CNTNAP5: variants seen among roughly 807,000 people sequenced by gnomAD.
CNTNAP5 encodes the protein contactin-associated protein-like 5.
Under a neutral mutation model 150.2 loss-of-function variants are expected in CNTNAP5, and 72 were observed. The ratio of observed to expected loss-of-function variants is 0.48; its 90% CI spans 0.40 to 0.58. CNTNAP5 has a LOEUF of 0.58. CNTNAP5 is among the 20% of genes least tolerant of loss of function. The pLI is 0.00. For missense variants in CNTNAP5, 1,636 were observed against 1,626.2 expected (o/e 1.01, Z -0.10); for synonymous variants, 672 against 619.8 (o/e 1.08, Z -1.25).
At position 124,177,166 on chromosome 2, in the gene CNTNAP5, C is replaced by T. The variant is rs148576157; in HGVS notation, c.83-44539C>T. On this transcript the variant is annotated intron_variant, in intron 1 of 23. Coordinates refer to ENST00000682447, the MANE Select transcript of CNTNAP5 (RefSeq NM_001367498.1). Reference sequence around the variant, plus strand: ...ACTGGCTCAGATAATGTCTTTATGGCCAGTTTTTACACAGAAAGGCGGGAG... The same window carrying T: ...ACTGGCTCAGATAATGTCTTTATGGTCAGTTTTTACACAGAAAGGCGGGAG... 2.1e-3 allele frequency among the ~76,000 whole-genome samples: 318 copies of T among 152,032 alleles called. 1 individual carries two copies. The highest frequency in any genetic ancestry group is 7.0e-3 in the African/African-American group (289 of 41,458).
At chr2:124,664,496 T>C (rs1055059841) in intron 13 of CNTNAP5, among the ~76,000 whole-genome samples, 1 of 152,018 alleles carries the variant, frequency 6.6e-6, no homozygotes, top group Non-Finnish European at 1.5e-5. Flanking sequence ...CTGTGTTAAG[T>C]TTTCTCCTCC....
intron 8 of CNTNAP5, among the ~76,000 whole-genome samples, chr2:124,516,660 T>G (rs1268817575): frequency 1.3e-5 from 2 of 152,236 alleles, no homozygotes; most frequent in African/African-American, 4.8e-5. Flanking sequence ...TGTGTGGCTG[T>G]CATGGCCTAG....
intron 19 of CNTNAP5, among the ~76,000 whole-genome samples, chr2:124,850,693 C>G (rs1683136537): frequency 6.6e-6 from 1 of 152,000 alleles, no homozygotes; most frequent in Non-Finnish European, 1.5e-5. Context: ...AGCCCGGGGA[C>G]TTTAACATGA....
chr2:124,575,973 T>C (rs1381911374), intron 11 of CNTNAP5, among the ~76,000 whole-genome samples: 1 of 152,194 alleles, frequency 6.6e-6, no homozygotes, highest in Non-Finnish European at 1.5e-5. Context: ...TTTAATTTGA[T>C]GGAAGAATTG....
intron 13 of CNTNAP5, among the ~76,000 whole-genome samples, chr2:124,687,139 C>T (rs1008672220): frequency 1.1e-4 from 17 of 152,016 alleles, no homozygotes; most frequent in South Asian, 2.1e-4. Flanking sequence ...AGAGTTGCAA[C>T]GGAGAGAAGG....
chr2:124,198,754 T>G (rs1223270267), intron 1 of CNTNAP5, among the ~76,000 whole-genome samples: 1 of 152,170 alleles, frequency 6.6e-6, no homozygotes, highest in Non-Finnish European at 1.5e-5. Context: ...TTACATATTT[T>G]TTAGGTTTTT....
intron 1 of CNTNAP5, among the ~76,000 whole-genome samples, chr2:124,044,027 G>A (rs28464596): frequency 0.02 from 2,997 of 152,126 alleles, 94 homozygotes; most frequent in African/African-American, 0.062. Flanking sequence ...CTTAATGCTT[G>A]TACAGTATAC....
chr2:124,408,052 G>C (rs1691626273), intron 3 of CNTNAP5, among the ~76,000 whole-genome samples: 1 of 152,212 alleles, frequency 6.6e-6, no homozygotes, highest in Non-Finnish European at 1.5e-5. Context: ...GAAGCAGGGC[G>C]AGGCATTGCC....
chr2:124,154,570 A>G (rs1221237176), intron 1 of CNTNAP5, among the ~76,000 whole-genome samples: 1 of 152,112 alleles, frequency 6.6e-6, no homozygotes. Context: ...CTGCCACATG[A>G]TGGACAAAGA....
At chr2:124,570,963 G>A (rs1696139874) in intron 11 of CNTNAP5, among the ~76,000 whole-genome samples, 1 of 152,200 alleles carries the variant, frequency 6.6e-6, no homozygotes, top group South Asian at 2.1e-4. Context: ...AGGGAAAGAA[G>A]CCATGTGAGC....
At chr2:124,826,495 A>G (rs891546155) in intron 19 of CNTNAP5, among the ~76,000 whole-genome samples, 22 of 152,104 alleles carry the variant, frequency 1.4e-4, no homozygotes, top group African/African-American at 5.1e-4. Flanking sequence ...TGATCACTTT[A>G]TTCTGGGATG....
intron 3 of CNTNAP5, among the ~76,000 whole-genome samples, chr2:124,296,828 A>T (rs968954226): frequency 9.2e-5 from 14 of 152,236 alleles, no homozygotes; most frequent in Non-Finnish European, 2.1e-4. Flanking sequence ...GGAAAAGGAT[A>T]GCTGCAGTAG....
chr2:124,610,954 C>CAA (rs57941026), intron 12 of CNTNAP5, among the ~76,000 whole-genome samples: 3 of 141,276 alleles, frequency 2.1e-5, no homozygotes, highest in African/African-American at 5.3e-5. Context: ...GACACCGTCT[C>CAA]AAAAAAAAAA....
At chr2:124,839,946 T>G (rs1682912624) in intron 19 of CNTNAP5, among the ~76,000 whole-genome samples, 1 of 152,178 alleles carries the variant, frequency 6.6e-6, no homozygotes, top group African/African-American at 2.4e-5. Flanking sequence ...TTGCCATAAG[T>G]GAACAAATAC....
At chr2:124,908,195 A>G (rs949491300) in intron 22 of CNTNAP5, among the ~76,000 whole-genome samples, 32 of 151,932 alleles carry the variant, frequency 2.1e-4, no homozygotes, top group African/African-American at 6.3e-4. Context: ...ACATGGTGAA[A>G]CCCCATATCT....
chr2:124,550,148 T>A (rs562911864), intron 10 of CNTNAP5, among the ~76,000 whole-genome samples: 2 of 152,320 alleles, frequency 1.3e-5, no homozygotes, highest in Middle Eastern at 3.4e-3. Flanking sequence ...TCATGACACA[T>A]TTGAAAACGA....
chr2:124,803,807 T>C (rs1368964269), intron 19 of CNTNAP5, among the ~76,000 whole-genome samples: 1 of 152,166 alleles, frequency 6.6e-6, no homozygotes, highest in Non-Finnish European at 1.5e-5. Context: ...AACTCGGCAG[T>C]GGCTAGCCAG....
At chr2:124,438,144 C>G (rs1398664570) in intron 5 of CNTNAP5, among the ~76,000 whole-genome samples, 1 of 152,108 alleles carries the variant, frequency 6.6e-6, no homozygotes, top group Non-Finnish European at 1.5e-5. Flanking sequence ...AGAGACAGTT[C>G]TATGGCAAAA....
chr2:124,871,738 T>C (rs1378637623), intron 21 of CNTNAP5, among the ~76,000 whole-genome samples: 3 of 152,152 alleles, frequency 2.0e-5, no homozygotes, highest in Non-Finnish European at 4.4e-5. Flanking sequence ...GTCATCCTTT[T>C]TTCTTTGATG....
Sources: gnomAD v4.1 joint callset for allele counts (sites outside exome capture counted in the v4.1 genomes callset) on GRCh38, gnomAD v4.1.1 for gene constraint, MANE v1.5 for transcripts, NCBI Gene and HGNC (gene_info 2026-07-23, HGNC 2026-07-21) for gene names.